The following ADAM32 variants were observed in gnomAD, a reference collection of about 807,000 sequenced individuals.
The protein encoded by ADAM32 is ADAM metallopeptidase domain 32.
A neutral mutation model predicts 114.9 loss-of-function variants in ADAM32; 89 were observed. The observed-to-expected ratio is 0.77, with a 90% CI of 0.65 to 0.92. The LOEUF (loss-of-function observed/expected upper bound fraction) is 0.92. Ranked by LOEUF, ADAM32 falls within the 40% of genes least tolerant of loss-of-function variation. The probability of loss-of-function intolerance (pLI) is 0.00; values close to 1 mark genes in which losing one functional copy is unlikely to be tolerated. For synonymous variants in ADAM32, 285 were observed against 307.5 expected (o/e 0.93, Z 0.77); for missense variants, 870 against 932.8 (o/e 0.93, Z 0.88).
intron 17 of ADAM32, among the ~76,000 whole-genome samples, chr8:39,246,675 G>A (rs1020714226): frequency 6.6e-6 from 1 of 152,170 alleles, no homozygotes; most frequent in Non-Finnish European, 1.5e-5. Context: ...TGGTCTGTTT[G>A]TTATAATTGA....
rs1055057859 is a variant in ADAM32, at chr8:39,160,900, G to T, written c.529G>T (p.Glu177Ter). The change falls in exon 7 of 25, where the codon GAA becomes TAA. Residue 177 changes from glutamate (E) to a stop codon, truncating the protein, a stop_gained. Transcript: ENST00000379907. LOFTEE classifies it high-confidence loss of function. ...DDNIFISEKS[E>*]PAVPDLFPLY... ...ATGCTGTTTTCCTTTTTTCTAGTCA[G>T]AACCAGCTGTTCCAGATTTATTTCC... 13 of 1,591,372 alleles carry T rather than the reference G, an allele frequency of 8.2e-6. No individual in the cohort carries two copies. The highest frequency in any genetic ancestry group is 9.4e-6 in the Non-Finnish European group (11 of 1,169,612).
intron 2 of ADAM32, among the ~76,000 whole-genome samples, chr8:39,127,242 T>C (rs1413531074): frequency 6.6e-6 from 1 of 152,146 alleles, no homozygotes; most frequent in Admixed American, 6.6e-5. Flanking sequence ...TCAGTAGAAA[T>C]GGTACCAGCT....
intron 11 of ADAM32, among the ~76,000 whole-genome samples, chr8:39,209,096 C>T (rs958280223): frequency 6.6e-6 from 1 of 152,102 alleles, no homozygotes; most frequent in Admixed American, 6.5e-5. Flanking sequence ...TTCTCTTCCT[C>T]TACTCCCTTT....
chr8:39,250,769 T>C (rs754564385), intron 17 of ADAM32, among the ~76,000 whole-genome samples: 10 of 151,968 alleles, frequency 6.6e-5, no homozygotes, highest in Non-Finnish European at 1.5e-4. Context: ...ACACTTGGTC[T>C]TACTTCTTCT....
chr8:39,269,420 C>G (rs1812573727), intron 19 of ADAM32, among the ~76,000 whole-genome samples: 1 of 152,090 alleles, frequency 6.6e-6, no homozygotes, highest in Non-Finnish European at 1.5e-5. Flanking sequence ...TTAGTCTTAC[C>G]CCATCTTGGC....
rs762941604 is a variant in ADAM32, at chr8:39,185,029, TGAGGCAGGTG to T, written c.916-1877_916-1868del. ...CTTTAATCCCAGCACTTTGGGAGGCTGAGGCAGGTGGATCACTTGAGGGTCAGGAGTTCGA... is the reference window on the plus strand; with the variant it reads ...CTTTAATCCCAGCACTTTGGGAGGCTGATCACTTGAGGGTCAGGAGTTCGA... On this transcript the variant is annotated intron_variant, in intron 10 of 24. Transcript: ENST00000379907. Among the ~76,000 whole-genome samples, 8 of 152,032 alleles carry T rather than the reference TGAGGCAGGTG, an allele frequency of 5.3e-5. 1 individual carries two copies. Among genetic ancestry groups the T allele is most frequent in the Admixed American group, 6.6e-5 (1 of 15,246 alleles).
chr8:39,156,105 G>A (rs74897934), intron 6 of ADAM32, among the ~76,000 whole-genome samples: 35,735 of 151,958 alleles, frequency 0.24, 4,762 homozygotes, highest in Non-Finnish European at 0.29. Flanking sequence ...TAAATAATTT[G>A]GGGAAAAGTG....
chr8:39,264,150 A>G (rs1174994343), intron 19 of ADAM32, among the ~76,000 whole-genome samples: 1 of 152,020 alleles, frequency 6.6e-6, no homozygotes, highest in African/African-American at 2.4e-5. Context: ...CAGGGGGTAC[A>G]TGTTCATGTT....
chr8:39,150,062 T>G (rs368921648), intron 5 of ADAM32, among the ~76,000 whole-genome samples, 195 bp downstream of exon 5: 6 of 152,166 alleles, frequency 3.9e-5, no homozygotes, highest in Admixed American at 1.3e-4. Context: ...ATTTCTAACC[T>G]TTTCAAAGGT....
chr8:39,107,836 G>A lies in ADAM32; in HGVS notation c.58+3G>A, dbSNP rs773618624. 19 of 1,543,942 alleles carry A rather than the reference G, an allele frequency of 1.2e-5. 1 individual carries two copies. In the Admixed American group the frequency reaches 1.4e-4, roughly 11 times the overall value. ...CGGCCTCCTGGCGTCAAGACCCGGT[G>A]AGCCAGCCCAGACCCTGACACTAGT... On this transcript the variant is annotated splice_donor_region_variant and intron_variant, in intron 1 of 24. Transcript: ENST00000379907.
In ADAM32 at chr8:39,236,904, C is replaced by T. The variant is rs1810187377; in HGVS notation, c.1818+2822C>T. On this transcript the variant is annotated intron_variant, in intron 16 of 24. Coordinates refer to ENST00000379907, the MANE Select transcript of ADAM32 (RefSeq NM_145004.7). Reference sequence around the variant, plus strand: ...CTTGGATGGACAGCGTGTGGAGACTCACATTATGAACTTTTGCTGCAAGAA... The same window carrying T: ...CTTGGATGGACAGCGTGTGGAGACTTACATTATGAACTTTTGCTGCAAGAA... 3.3e-5 allele frequency among the ~76,000 whole-genome samples: 5 copies of T among 152,318 alleles called. No individual in the cohort carries two copies. In the South Asian group the frequency reaches 8.3e-4, roughly 25 times the overall value.
chr8:39,155,263 A>G (rs185461265), intron 6 of ADAM32, among the ~76,000 whole-genome samples: 1 of 152,358 alleles, frequency 6.6e-6, no homozygotes, highest in East Asian at 1.9e-4. Context: ...AGGATATTCA[A>G]ATTGGAAGAG....
intron 8 of ADAM32, 23 bp downstream of exon 8, chr8:39,164,858 T>TA (rs976480947): frequency 1.3e-6 from 2 of 1,582,674 alleles, no homozygotes; most frequent in African/African-American, 2.7e-5. Context: ...CTTTTCATAT[T>TA]AAAATAATTG....
At chr8:39,121,441 G>C (rs1840585485) in intron 2 of ADAM32, among the ~76,000 whole-genome samples, 1 of 152,090 alleles carries the variant, frequency 6.6e-6, no homozygotes, top group African/African-American at 2.4e-5. Context: ...CACACACTGG[G>C]GCCAGTCGGG....
intron 7 of ADAM32, among the ~76,000 whole-genome samples, chr8:39,162,928 A>G (rs4733985): frequency 0.25 from 37,417 of 152,060 alleles, 4,986 homozygotes; most frequent in Non-Finnish European, 0.29. Flanking sequence ...TTGAACAAGG[A>G]AGGTGGAGGG....
At chr8:39,134,238 G>T (rs1431394079) in intron 2 of ADAM32, among the ~76,000 whole-genome samples, 1 of 151,978 alleles carries the variant, frequency 6.6e-6, no homozygotes, top group Non-Finnish European at 1.5e-5. Flanking sequence ...GTACTGTGCT[G>T]CCTCTGCTTG....
rs773676495 is a variant in ADAM32, at chr8:39,155,488, AG to A, written c.525+3941del. Among the ~76,000 whole-genome samples the A allele has an allele frequency of 8.2e-4, 125 of 152,360 alleles. 1 individual carries two copies. The highest frequency in any genetic ancestry group is 1.6e-3 in the Non-Finnish European group (109 of 68,028). ...GAGGCTTCCTGAACTGACAGACTCA[AG>A]ATATAGTTGCTTATACCAGTAAAAT... is the stretch of plus-strand genomic sequence containing the variant. On this transcript the variant is annotated intron_variant, in intron 6 of 24. Transcript: ENST00000379907.
At chr8:39,213,912 C>T (rs551703530) in intron 12 of ADAM32, among the ~76,000 whole-genome samples, 2 of 152,244 alleles carry the variant, frequency 1.3e-5, no homozygotes, top group Admixed American at 6.5e-5. Flanking sequence ...TAATTTTTAG[C>T]TCCCACAAAT....
rs188041350 is a variant in ADAM32, at chr8:39,156,572, A to G, written c.526-4325A>G. Among the ~76,000 whole-genome samples the G allele has an allele frequency of 2.6e-3, 400 of 152,292 alleles. 1 individual carries two copies. Among genetic ancestry groups the G allele is most frequent in the Middle Eastern group, 0.017 (5 of 294 alleles). ...AAGGACTACCTTTGGCATTTCTTGT[A>G]GGGCAGTGTATTAGTTTACTACAGC... On this transcript the variant is annotated intron_variant, in intron 6 of 24. Transcript: ENST00000379907.
Sources: allele counts gnomAD v4.1 joint callset (sites outside exome capture counted in the v4.1 genomes callset), GRCh38; gene constraint gnomAD v4.1.1; transcripts MANE v1.5; gene names NCBI Gene and HGNC (gene_info 2026-07-23, HGNC 2026-07-21).